NPR3: variants seen among roughly 807,000 people sequenced by gnomAD.
NPR3 encodes atrial natriuretic peptide receptor 3.
A neutral mutation model predicts 54.5 loss-of-function variants in NPR3; 34 were observed. The observed-to-expected ratio is 0.62, with a 90% CI of 0.47 to 0.83. The LOEUF (loss-of-function observed/expected upper bound fraction) is 0.83, where lower values mean the gene tolerates loss of function less well. NPR3 is among the 40% of genes least tolerant of loss of function. The pLI is 0.00. For synonymous variants in NPR3, 289 were observed against 297.1 expected, an observed-to-expected ratio of 0.97 and a Z score of 0.28; for missense variants, 674 against 720.8, an observed-to-expected ratio of 0.94 and a Z score of 0.74.
chr5:32,789,516 A>G lies in NPR3; in HGVS notation c.*3171A>G, dbSNP rs1293470908. 1.9e-6 allele frequency: 1 copy of G among 534,736 alleles called. No individual in the cohort carries two copies. The allele number at this position is 534,736 out of a possible 1,614,324, so 33.1% of individuals were successfully genotyped here. ...TATAATTCTTCACATTTCAGAACCC[A>G]TGTTTAATGGAGGGAAGAGAGAAAT... On this transcript the variant is annotated 3_prime_UTR_variant, in exon 8 of 8. Transcript: ENST00000265074.
intron 1 of NPR3, among the ~76,000 whole-genome samples, chr5:32,699,388 A>T (rs1579568308): frequency 6.6e-6 from 1 of 152,162 alleles, no homozygotes; most frequent in East Asian, 1.9e-4. Context: ...TGCTGCACTT[A>T]TCAAATTAAT....
At chr5:32,737,891 G>C (rs758243247) in intron 2 of NPR3, among the ~76,000 whole-genome samples, 1 of 151,844 alleles carries the variant, frequency 6.6e-6, no homozygotes, top group Admixed American at 6.6e-5. Context: ...ATGTTTTTAC[G>C]CATATAAAGT....
intron 3 of NPR3, among the ~76,000 whole-genome samples, chr5:32,742,657 T>A (rs1740094567): frequency 6.6e-6 from 1 of 152,222 alleles, no homozygotes; most frequent in Non-Finnish European, 1.5e-5. Context: ...GTAAAGAGCA[T>A]ATAACAGAAT....
chr5:32,707,245 T>C (rs976806433), upstream of NPR3, among the ~76,000 whole-genome samples: 15 of 152,130 alleles, frequency 9.9e-5, no homozygotes, highest in African/African-American at 3.6e-4. Context: ...AAAGAACCCC[T>C]TAAGGTCACA....
At chr5:32,691,911 T>C (rs1740402506) in intron 1 of NPR3, among the ~76,000 whole-genome samples, 1 of 152,252 alleles carries the variant, frequency 6.6e-6, no homozygotes, top group Admixed American at 6.5e-5. Context: ...CTGTCCATGC[T>C]ATTCTCTGCA....
Position 32,786,688 on chromosome 5 carries a change from G to T in NPR3, c.*343G>T. 3 of 200,664 alleles carry T rather than the reference G, an allele frequency of 1.5e-5. No individual in the cohort carries two copies. Among genetic ancestry groups the T allele is most frequent in the Non-Finnish European group, 3.0e-5 (3 of 101,688 alleles). The allele number at this position is 200,664 out of a possible 1,614,324, so 12.4% of individuals were successfully genotyped here. Reference sequence around the variant, plus strand: ...CATTTCACACAAGGATATAAAATGCGGTTTTCTTAAATGAAATGTTTTGTA... The same window carrying T: ...CATTTCACACAAGGATATAAAATGCTGTTTTCTTAAATGAAATGTTTTGTA... On this transcript the variant is annotated 3_prime_UTR_variant, in exon 8 of 8. Transcript: ENST00000265074.
chr5:32,698,282 G>A (rs571017380), intron 1 of NPR3, among the ~76,000 whole-genome samples: 3 of 151,984 alleles, frequency 2.0e-5, no homozygotes, highest in African/African-American at 7.2e-5. Context: ...TAATTTTCAT[G>A]TGTTTATATA....
intron 3 of NPR3, among the ~76,000 whole-genome samples, chr5:32,744,152 C>G (rs1482821935): frequency 6.6e-6 from 1 of 152,048 alleles, no homozygotes; most frequent in Non-Finnish European, 1.5e-5. Flanking sequence ...GCCGCCACGC[C>G]TGGCTAATTT....
At chr5:32,705,841 A>G (rs1737970665), upstream of NPR3, among the ~76,000 whole-genome samples, 1 of 152,202 alleles carries the variant, frequency 6.6e-6, no homozygotes, top group Non-Finnish European at 1.5e-5. Flanking sequence ...CCACATTTCC[A>G]ATGGAAAAAT....
chr5:32,717,909 T>G (rs1405567545), intron 1 of NPR3, among the ~76,000 whole-genome samples: 11 of 152,244 alleles, frequency 7.2e-5, no homozygotes, highest in Admixed American at 2.0e-4. Context: ...CCTTTGGTGT[T>G]TCAGTCATGA....
At chr5:32,716,996 A>AACCCC (rs1561079842) in intron 1 of NPR3, among the ~76,000 whole-genome samples, 32 of 109,666 alleles carry the variant, frequency 2.9e-4, no homozygotes, top group Non-Finnish European at 4.2e-4. Flanking sequence ...CCATCCCCCA[A>AACCCC]CCCCCCCACC....
intron 2 of NPR3, among the ~76,000 whole-genome samples, chr5:32,725,271 T>C (rs1015530418): frequency 1.3e-4 from 20 of 152,202 alleles, no homozygotes; most frequent in South Asian, 4.1e-4. Context: ...AAAGTTAAAA[T>C]AAAAAACAAG....
At chr5:32,758,923 T>A (rs183661392) in intron 3 of NPR3, among the ~76,000 whole-genome samples, 5,720 of 152,210 alleles carry the variant, frequency 0.038, 373 homozygotes, top group African/African-American at 0.13. Flanking sequence ...TTTGAGTGAG[T>A]TTCTTAATCC....
chr5:32,713,438 A>G lies in NPR3; in HGVS notation c.769+893A>G, dbSNP rs895382489. The G allele has an allele frequency of 4.5e-5, 44 of 985,282 alleles. No individual in the cohort carries two copies. In the African/African-American group the frequency reaches 7.2e-4, roughly 16 times the overall value. The allele number at this position is 985,282 out of a possible 1,614,324, so 61.0% of individuals were successfully genotyped here. Reference sequence around the variant, plus strand: ...TCGCCAGTGTGGCCCATTTTACGGTAGGGTAGAATCTGAGGGAAGGCGGAC... The same window carrying G: ...TCGCCAGTGTGGCCCATTTTACGGTGGGGTAGAATCTGAGGGAAGGCGGAC... On this transcript the variant is annotated intron_variant, in intron 1 of 7. Transcript: ENST00000265074.
rs550711633 is a variant in NPR3, at chr5:32,791,011, C to A, written c.*4666C>A. ...CAAGTGTAAATCACAACATAGGCTACCAAAATATTTCTTATTTGCTAGGAG... is the reference window on the plus strand; with the variant it reads ...CAAGTGTAAATCACAACATAGGCTAACAAAATATTTCTTATTTGCTAGGAG... On this transcript the variant is annotated 3_prime_UTR_variant, in exon 8 of 8. Transcript: ENST00000265074. 1 of 167,174 alleles carries A rather than the reference C, an allele frequency of 6.0e-6. No homozygotes were observed. Among genetic ancestry groups the A allele is most frequent in the Non-Finnish European group, 1.5e-5 (1 of 68,110 alleles). 10.4% of individuals were successfully genotyped at this position (167,174 alleles called of 1,614,324 possible).
intron 3 of NPR3, among the ~76,000 whole-genome samples, chr5:32,756,292 A>G (rs1032384150): frequency 1.3e-5 from 2 of 152,172 alleles, no homozygotes; most frequent in Non-Finnish European, 2.9e-5. Context: ...AATGATCACC[A>G]TTCTAACTGG....
At position 32,789,363 on chromosome 5, in the gene NPR3, A is replaced by G. The variant is rs555962737; in HGVS notation, c.*3018A>G. The G allele has an allele frequency of 4.4e-6, 2 of 452,868 alleles. No homozygotes were observed. Among genetic ancestry groups the G allele is most frequent in the East Asian group, 5.6e-5 (1 of 17,730 alleles). The allele number at this position is 452,868 out of a possible 1,614,324, so 28.1% of individuals were successfully genotyped here. A position where few individuals can be genotyped will look rare whatever the true frequency, so the allele number is the denominator to read the frequency against. The stretch of plus-strand genomic sequence containing the variant: ...CTTCAATCTGGAAAGAATTTTTTGT[A>G]TAGAGTCCATCTCTCCCTCAAGACT... On this transcript the variant is annotated 3_prime_UTR_variant, in exon 8 of 8. Transcript: ENST00000265074.
chr5:32,751,900 A>T (rs1362579647), intron 3 of NPR3, among the ~76,000 whole-genome samples: 3 of 152,208 alleles, frequency 2.0e-5, no homozygotes, highest in African/African-American at 4.8e-5. Flanking sequence ...TCAGCATTAA[A>T]GCTGTTTAAA....
At chr5:32,691,851 G>T (rs1740401115) in intron 1 of NPR3, among the ~76,000 whole-genome samples, 1 of 152,234 alleles carries the variant, frequency 6.6e-6, no homozygotes, top group Non-Finnish European at 1.5e-5. Context: ...AGCATGTTAT[G>T]CAGCATGCAA....
Sources: gnomAD v4.1 joint callset for allele counts (sites outside exome capture counted in the v4.1 genomes callset) on GRCh38, gnomAD v4.1.1 for gene constraint, MANE v1.5 for transcripts, NCBI Gene and HGNC (gene_info 2026-07-23, HGNC 2026-07-21) for gene names.